The following CDH13 variants were observed in gnomAD, a reference collection of about 807,000 sequenced individuals.
The protein encoded by CDH13 is cadherin 13.
A neutral mutation model predicts 63.8 loss-of-function variants in CDH13; 24 were observed. The ratio of observed to expected loss-of-function variants is 0.38; its 90% CI spans 0.27 to 0.53. The LOEUF (loss-of-function observed/expected upper bound fraction) is 0.53. Among genes scored for constraint, CDH13 ranks in the 20% least tolerant of loss-of-function variants. The pLI is 0.85. For missense variants in CDH13, 1,049 were observed against 903.1 expected (o/e 1.16, Z -2.07); for synonymous variants, 503 against 355.3 (o/e 1.42, Z -4.67).
intron 7 of CDH13, among the ~76,000 whole-genome samples, chr16:83,497,241 G>T (rs2151579776): frequency 6.6e-6 from 1 of 152,026 alleles, no homozygotes; most frequent in African/African-American, 2.4e-5. Context: ...ATTCACAATA[G>T]CAAAGACTTG....
chr16:83,782,217 C>G (rs1206314038), intron 12 of CDH13, among the ~76,000 whole-genome samples: 1 of 152,038 alleles, frequency 6.6e-6, no homozygotes, highest in African/African-American at 2.4e-5. Context: ...GAAAGGGGCA[C>G]TTAAAAATAC....
Position 83,670,803 on chromosome 16 carries a change from T to C in CDH13, c.1115T>C (p.Val372Ala). ...KFTKKEFQAT[V>A]EEGAVGVIVN... is the part of the protein sequence containing the mutation. ...CTTTGTTTGCAGTTTCAAGCCACAG[T>C]CGAGGAAGGAGCTGTGGGAGTTATT... Residue 372 changes from valine (V) to alanine (A), a missense_variant, in exon 9 of 14, where the codon GTC (valine) becomes GCC (alanine). By Grantham distance (64) the Val-to-Ala change is moderately conservative. Coordinates refer to ENST00000567109, the MANE Select transcript of CDH13 (RefSeq NM_001257.5). The C allele has an allele frequency of 1.2e-6, 2 of 1,613,952 alleles. No homozygotes were observed. The highest frequency in any genetic ancestry group is 1.7e-6 in the Non-Finnish European group (2 of 1,179,840).
chr16:82,864,816 C>A (rs1475873614), intron 2 of CDH13, among the ~76,000 whole-genome samples: 1 of 152,164 alleles, frequency 6.6e-6, no homozygotes, highest in African/African-American at 2.4e-5. Context: ...CTGGCATTAA[C>A]CCAAAGGTCC....
intron 5 of CDH13, among the ~76,000 whole-genome samples, chr16:83,310,881 T>G (rs1393490743): frequency 6.6e-6 from 1 of 152,198 alleles, no homozygotes; most frequent in African/African-American, 2.4e-5. Context: ...TGAGCCAGTT[T>G]GGAGGCTGAA....
At chr16:83,440,672 C>A (rs908002549) in intron 6 of CDH13, among the ~76,000 whole-genome samples, 1 of 151,644 alleles carries the variant, frequency 6.6e-6, no homozygotes, top group Non-Finnish European at 1.5e-5. Context: ...GTCGTCCCAG[C>A]TACTCAGGAG....
intron 10 of CDH13, among the ~76,000 whole-genome samples, chr16:83,723,757 C>A (rs1369556792): frequency 1.3e-5 from 2 of 152,164 alleles, no homozygotes; most frequent in South Asian, 2.1e-4. Context: ...GAATTTCATG[C>A]CTTGTTCTCT....
chr16:83,196,733 A>G (rs2038890075), intron 4 of CDH13, among the ~76,000 whole-genome samples: 2 of 152,208 alleles, frequency 1.3e-5, no homozygotes, highest in Admixed American at 6.5e-5. Context: ...TAAAACCACA[A>G]CAGACTACCG....
intron 7 of CDH13, among the ~76,000 whole-genome samples, chr16:83,524,562 C>G (rs374933057): frequency 6.8e-6 from 1 of 146,218 alleles, no homozygotes; most frequent in Admixed American, 7.2e-5. Context: ...ACGCCATTCT[C>G]CTGCCTCAGC....
intron 5 of CDH13, among the ~76,000 whole-genome samples, chr16:83,299,543 G>A (rs114093729): frequency 6.6e-6 from 1 of 152,038 alleles, no homozygotes; most frequent in Non-Finnish European, 1.5e-5. Context: ...TACTTCCCTC[G>A]ATTATTCTTT....
intron 6 of CDH13, among the ~76,000 whole-genome samples, chr16:83,372,098 A>G (rs1254946333): frequency 1.3e-5 from 2 of 152,180 alleles, no homozygotes; most frequent in Middle Eastern, 3.2e-3. Context: ...ATGAGAGGTC[A>G]TCATGGGCCA....
chr16:83,461,128 G>C (rs1022371043), intron 6 of CDH13, among the ~76,000 whole-genome samples: 4 of 152,116 alleles, frequency 2.6e-5, no homozygotes, highest in Admixed American at 1.3e-4. Flanking sequence ...TATTTCTTAA[G>C]CTGGGTGGTG....
At chr16:82,839,838 G>C (rs2615130) in intron 1 of CDH13, among the ~76,000 whole-genome samples, 141,583 of 152,262 alleles carry the variant, frequency 0.93, 66,688 homozygotes, top group East Asian at 1. Context: ...CTTCCAAATT[G>C]TAGTACAGGA....
rs978900962 is a variant in CDH13, at chr16:83,132,658, C to G, written c.483+7157C>G. Among the ~76,000 whole-genome samples, 5 of 152,006 alleles carry G rather than the reference C, an allele frequency of 3.3e-5. No homozygotes were observed. The South Asian group carries it at 1.0e-3, about 32-fold the overall frequency. ...ACAGGGTTTCACCATGTTGGCCAGA[C>G]TCATCTGGATCCATCTGCCTCGGCC... On this transcript the variant is annotated intron_variant, in intron 4 of 13. Transcript: ENST00000567109.
At chr16:82,981,396 C>T (rs8052304) in intron 2 of CDH13, among the ~76,000 whole-genome samples, 3 of 152,120 alleles carry the variant, frequency 2.0e-5, no homozygotes, top group African/African-American at 7.2e-5. Context: ...CTCTCCTTGA[C>T]CCCCTCCTTG....
At chr16:83,123,398 G>C (rs989372403) in intron 3 of CDH13, among the ~76,000 whole-genome samples, 3 of 151,964 alleles carry the variant, frequency 2.0e-5, no homozygotes, top group Admixed American at 6.6e-5. Flanking sequence ...TCCTGCCTCA[G>C]CCTCATGAAT....
intron 1 of CDH13, among the ~76,000 whole-genome samples, chr16:82,853,258 C>T (rs899175669): frequency 2.0e-5 from 3 of 152,156 alleles, no homozygotes; most frequent in African/African-American, 7.2e-5. Flanking sequence ...TGTCTGATTC[C>T]CTGCTATGTC....
chr16:83,741,996 C>G (rs1008403210), intron 10 of CDH13, among the ~76,000 whole-genome samples: 47 of 152,348 alleles, frequency 3.1e-4, no homozygotes, highest in Middle Eastern at 3.4e-3. Context: ...TCCACGAAAC[C>G]AGTCCATGGT....
intron 9 of CDH13, among the ~76,000 whole-genome samples, chr16:83,674,428 C>A (rs1914780712): frequency 6.6e-6 from 1 of 152,356 alleles, no homozygotes; most frequent in Admixed American, 6.5e-5. Context: ...ACCCTCTCCT[C>A]TTATCGGGGC....
At chr16:83,724,109 G>GTATGGGTGGGTGATGAATA (rs2150940927) in intron 10 of CDH13, among the ~76,000 whole-genome samples, 1 of 151,376 alleles carries the variant, frequency 6.6e-6, no homozygotes, top group African/African-American at 2.4e-5. Context: ...GGTGATGAAT[G>GTATGGGTGGGTGATGAATA]TATGGGTGAG....
Sources: gnomAD v4.1 joint callset for allele counts (sites outside exome capture counted in the v4.1 genomes callset) on GRCh38, gnomAD v4.1.1 for gene constraint, MANE v1.5 for transcripts, NCBI Gene and HGNC (gene_info 2026-07-23, HGNC 2026-07-21) for gene names.